Variants in PDE4D observed in about 807,000 individuals in gnomAD.
PDE4D encodes the protein phosphodiesterase 4D, also known as 3',5'-cyclic-AMP phosphodiesterase 4D.
A neutral mutation model predicts 87.4 loss-of-function variants in PDE4D; 24 were observed. The observed-to-expected ratio is 0.27, with a 90% CI of 0.20 to 0.39. The LOEUF is 0.39. Ranked by LOEUF, PDE4D falls within the 10% of genes least tolerant of loss-of-function variation. PDE4D has a pLI of 1.00. For synonymous variants in PDE4D, 384 were observed against 383.2 expected (o/e 1.00, Z -0.02); for missense variants, 714 against 1,041.0 (o/e 0.69, Z 4.32).
intron 1 of PDE4D, among the ~76,000 whole-genome samples, chr5:60,430,586 G>A (rs1204647286): frequency 8.2e-5 from 12 of 146,070 alleles, no homozygotes; most frequent in East Asian, 2.0e-4. Flanking sequence ...GGTGTTTCTC[G>A]CAGAGGGGGA....
chr5:59,988,836 C>A, intron 2 of PDE4D: 1 of 541,552 alleles, frequency 1.8e-6, no homozygotes, highest in Non-Finnish European at 3.2e-6. Context: ...ATGAAAAATG[C>A]TATCTAGAAA....
At chr5:59,044,105 G>T (rs1180395520) in intron 5 of PDE4D, among the ~76,000 whole-genome samples, 1 of 152,172 alleles carries the variant, frequency 6.6e-6, no homozygotes, top group Non-Finnish European at 1.5e-5. Flanking sequence ...GGTATTTCTA[G>T]TTCTAGACCC....
chr5:59,916,061 C>T (rs1754007560), intron 3 of PDE4D, among the ~76,000 whole-genome samples: 1 of 152,160 alleles, frequency 6.6e-6, no homozygotes. Flanking sequence ...CTACTCATCA[C>T]ACCACACAAA....
intron 1 of PDE4D, among the ~76,000 whole-genome samples, chr5:59,886,410 G>C (rs1750158212): frequency 6.6e-6 from 1 of 151,992 alleles, no homozygotes; most frequent in Admixed American, 6.6e-5. Flanking sequence ...CCAGCTACTC[G>C]GGAGGCTGAG....
At chr5:60,258,155 T>A (rs931265329) in intron 1 of PDE4D, among the ~76,000 whole-genome samples, 8 of 151,986 alleles carry the variant, frequency 5.3e-5, no homozygotes, top group Non-Finnish European at 1.2e-4. Context: ...CAGAACAAGC[T>A]ACTCCAGCTG....
At chr5:60,307,438 T>C (rs540813988) in intron 1 of PDE4D, among the ~76,000 whole-genome samples, 1 of 152,300 alleles carries the variant, frequency 6.6e-6, no homozygotes, top group African/African-American at 2.4e-5. Flanking sequence ...ATCAACTCAC[T>C]GAAGAAGCTA....
chr5:60,091,920 G>A (rs1234695658), intron 2 of PDE4D, among the ~76,000 whole-genome samples: 9 of 150,962 alleles, frequency 6.0e-5, no homozygotes, highest in African/African-American at 1.9e-4. Context: ...GCATGGTGGC[G>A]CGTGCCTGTA....
intron 2 of PDE4D, among the ~76,000 whole-genome samples, chr5:60,074,766 T>C (rs1582519675): frequency 6.6e-6 from 1 of 152,232 alleles, no homozygotes; most frequent in East Asian, 1.9e-4. Context: ...AATATCCTTC[T>C]TCATCTTTTT....
chr5:58,988,820 T>G (rs1257223067), intron 10 of PDE4D, among the ~76,000 whole-genome samples: 1 of 152,220 alleles, frequency 6.6e-6, no homozygotes, highest in African/African-American at 2.4e-5. Context: ...ATGTTTTCCA[T>G]TCACTGTATT....
intron 3 of PDE4D, among the ~76,000 whole-genome samples, chr5:59,960,662 C>G (rs560061489): frequency 6.6e-6 from 1 of 152,152 alleles, no homozygotes; most frequent in African/African-American, 2.4e-5. Flanking sequence ...AATTTGCATA[C>G]ACACATACAT....
intron 1 of PDE4D, among the ~76,000 whole-genome samples, chr5:60,390,719 G>A (rs1477888173): frequency 6.6e-6 from 1 of 151,090 alleles, no homozygotes; most frequent in East Asian, 1.9e-4. Context: ...GGGAATATAA[G>A]CTACTATTAA....
intron 1 of PDE4D, among the ~76,000 whole-genome samples, chr5:59,870,339 C>G (rs1747641088): frequency 6.6e-6 from 1 of 151,114 alleles, no homozygotes; most frequent in Non-Finnish European, 1.5e-5. Flanking sequence ...TTCATAAGCT[C>G]TCTCTAATTC....
chr5:59,921,058 C>T (rs770007750), intron 3 of PDE4D, among the ~76,000 whole-genome samples: 11 of 152,040 alleles, frequency 7.2e-5, no homozygotes, highest in South Asian at 2.1e-4. Context: ...ACATTAAGTA[C>T]GGTAATGGGT....
chr5:59,901,885 A>T (rs531174781), intron 3 of PDE4D, among the ~76,000 whole-genome samples: 1 of 150,646 alleles, frequency 6.6e-6, no homozygotes, highest in South Asian at 2.1e-4. Flanking sequence ...TCATAATTCT[A>T]CTCCTGGGTA....
chr5:60,281,174 T>C (rs1343142087), intron 1 of PDE4D, among the ~76,000 whole-genome samples: 1 of 152,124 alleles, frequency 6.6e-6, no homozygotes. Flanking sequence ...TCTCCATACA[T>C]ACAAGGTCAG....
In PDE4D at chr5:60,368,790, T is replaced by C. The variant is rs142173551; in HGVS notation, c.-90+119152A>G. On this transcript the variant is annotated intron_variant, in intron 1 of 16. Coordinates refer to the PDE4D transcript ENST00000502484. ...CCAGCTCCCCCTTCTCTCTCTCTTC[T>C]TCCTGCTCCATCCAAGTGAAGATGT... Among the ~76,000 whole-genome samples, 62 of 152,222 alleles carry C rather than the reference T, an allele frequency of 4.1e-4. No homozygotes were observed. The East Asian group carries it at 0.011, about 28-fold the overall frequency.
intron 1 of PDE4D, among the ~76,000 whole-genome samples, chr5:59,534,068 C>T (rs926076592): frequency 3.9e-5 from 6 of 152,178 alleles, no homozygotes; most frequent in Non-Finnish European, 8.8e-5. Flanking sequence ...CAATAACTTA[C>T]ATAAATTATC....
intron 1 of PDE4D, among the ~76,000 whole-genome samples, chr5:59,725,314 G>A (rs142064292): frequency 0.016 from 2,475 of 152,050 alleles, 67 homozygotes; most frequent in African/African-American, 0.057. Context: ...CTCACTGCTG[G>A]GCCTGTAGCA....
intron 1 of PDE4D, among the ~76,000 whole-genome samples, chr5:59,366,649 T>C (rs907054654): frequency 6.6e-6 from 1 of 152,176 alleles, no homozygotes; most frequent in Non-Finnish European, 1.5e-5. Context: ...TTTTAATAGG[T>C]GAGTTGTTTT....
Sources: gnomAD v4.1 joint callset for allele counts (sites outside exome capture counted in the v4.1 genomes callset) on GRCh38, gnomAD v4.1.1 for gene constraint, MANE v1.5 for transcripts, NCBI Gene and HGNC (gene_info 2026-07-23, HGNC 2026-07-21) for gene names.